The following DAB2 variants were observed in gnomAD, a reference collection of about 807,000 sequenced individuals.
The protein encoded by DAB2 is DAB adaptor protein 2.
In DAB2, 28 loss-of-function variants were observed where a neutral mutation model predicts 71.6. The observed-to-expected ratio is 0.39, with a 90% CI of 0.29 to 0.54. DAB2 has a LOEUF of 0.54. Ranked by LOEUF, DAB2 falls within the 20% of genes least tolerant of loss-of-function variation. The pLI, the probability that DAB2 is intolerant of heterozygous loss-of-function variation, is 0.68. For synonymous variants in DAB2, 345 were observed against 339.7 expected (o/e 1.02, Z -0.17); for missense variants, 867 against 928.8 (o/e 0.93, Z 0.86).
At position 39,376,668 on chromosome 5, in the gene DAB2, G is replaced by T. The variant is rs747054556; in HGVS notation, c.2119C>A (p.Leu707Ile). 1 of 1,614,018 alleles carries T rather than the reference G, an allele frequency of 6.2e-7. No homozygotes were observed. Among genetic ancestry groups the T allele is most frequent in the South Asian group, 1.1e-5 (1 of 91,090 alleles). ...ADHDDFDANQLLNKINEPPKP... is the reference protein window; with the variant it reads ...ADHDDFDANQILNKINEPPKP... Reference sequence around the variant, plus strand: ...GGCTTACCATTGATCTTGTTCAATAGTTGATTAGCATCAAAGTCATCATGG... The same window carrying T: ...GGCTTACCATTGATCTTGTTCAATATTTGATTAGCATCAAAGTCATCATGG... Residue 707 changes from leucine to isoleucine, a missense_variant, in exon 12 of 15, where the codon CTA becomes ATA. By Grantham distance (5) the Leu-to-Ile change is conservative (BLOSUM62 2). Around this residue, in one of 2 missense-constraint regions of DAB2, gnomAD observed 740 missense variants for 734.3 expected, o/e 1.01. Transcript: ENST00000320816.
At chr5:39,378,410 C>G (rs576577605) in intron 11 of DAB2, among the ~76,000 whole-genome samples, 1 of 152,212 alleles carries the variant, frequency 6.6e-6, no homozygotes, top group Non-Finnish European at 1.5e-5. Flanking sequence ...AGCTTTGGTG[C>G]ATGGCATTCT....
At position 39,376,880 on chromosome 5, in the gene DAB2, G is replaced by T. The variant is rs757895677; in HGVS notation, c.1907C>A (p.Ala636Asp). Reference protein sequence around the residue: ...AGPPKDISSDAFTALDPLGDK... With the variant: ...AGPPKDISSDDFTALDPLGDK... ...CCCAAGTGGGTCTAAGGCAGTGAAG[G>T]CATCACTGGAGATGTCCTTGGGAGG... Residue 636 changes from alanine (A) to aspartate (D), a missense_variant, in exon 12 of 15, where the codon GCC becomes GAC. Physicochemically the swap from Ala to Asp is moderately radical, Grantham distance 126. Transcript: ENST00000320816. 3.5e-5 allele frequency: 56 copies of T among 1,614,024 alleles called. No individual in the cohort carries two copies. Among genetic ancestry groups the T allele is most frequent in the Non-Finnish European group, 4.7e-5 (56 of 1,180,026 alleles).
chr5:39,378,172 T>C (rs536181916), intron 11 of DAB2, among the ~76,000 whole-genome samples: 15 of 152,312 alleles, frequency 9.8e-5, no homozygotes, highest in African/African-American at 3.6e-4. Flanking sequence ...CCTTGCTATG[T>C]CATCAGGAAT....
intron 9 of DAB2, 92 bp downstream of exon 9, chr5:39,388,213 G>C: frequency 1.1e-6 from 1 of 914,388 alleles, no homozygotes; most frequent in Non-Finnish European, 1.7e-6. Context: ...CACCTTCCAA[G>C]TTTCAATGAG....
intron 1 of DAB2, among the ~76,000 whole-genome samples, chr5:39,399,528 AT>A (rs1180236265): frequency 6.6e-6 from 1 of 152,248 alleles, no homozygotes; most frequent in African/African-American, 2.4e-5. Flanking sequence ...TGCTATATGA[AT>A]AAAATTAGCT....
intron 1 of DAB2, among the ~76,000 whole-genome samples, chr5:39,395,146 G>C (rs1432838283): frequency 6.6e-6 from 1 of 152,122 alleles, no homozygotes; most frequent in Non-Finnish European, 1.5e-5. Context: ...ATCATAGTAG[G>C]AGAAACAGGA....
At position 39,390,595 on chromosome 5, in the gene DAB2, A is replaced by G; in HGVS notation, c.331-20T>C. ...TATTACCTTAAAAAAGAACATAAAG[A>G]GTAATTTATTAAGAAAACTAGAATC... On this transcript the variant is annotated intron_variant, in intron 4 of 14. Coordinates refer to ENST00000320816, the MANE Select transcript of DAB2 (RefSeq NM_001343.4). 1 of 1,586,664 alleles carries G rather than the reference A, an allele frequency of 6.3e-7. No individual in the cohort carries two copies. Among genetic ancestry groups the G allele is most frequent in the African/African-American group, 1.4e-5 (1 of 73,964 alleles).
Position 39,381,559 on chromosome 5 carries a change from A to C in DAB2, c.1399T>G (p.Ser467Ala), listed in dbSNP as rs1210909122. 11 of 1,613,940 alleles carry C rather than the reference A, an allele frequency of 6.8e-6. No homozygotes were observed. Among genetic ancestry groups the C allele is most frequent in the Non-Finnish European group, 9.3e-6 (11 of 1,179,978 alleles). The change falls in exon 11 of 15, where the codon TCA becomes GCA. Residue 467 changes from serine (S) to alanine (A), a missense_variant. Coordinates refer to ENST00000320816, the MANE Select transcript of DAB2 (RefSeq NM_001343.4). ...DIFAPPVSEP[S>A]GQASPTGQPT... Reference sequence around the variant, plus strand: ...TGTCCTGTGGGTGACGCCTGGCCTGAAGGTTCTGAGACGGGAGGAGCAAAG... The same window carrying C: ...TGTCCTGTGGGTGACGCCTGGCCTGCAGGTTCTGAGACGGGAGGAGCAAAG...
In DAB2 at chr5:39,372,049, T is replaced by C. The variant is rs1367303839; in HGVS notation, c.*1382A>G. 6.6e-6 allele frequency: 1 copy of C among 152,116 alleles called. No homozygotes were observed. The highest frequency in any genetic ancestry group is 1.5e-5 in the Non-Finnish European group (1 of 68,016). The allele number at this position is 152,116 out of a possible 1,614,324, so 9.4% of individuals were successfully genotyped here. A position where few individuals can be genotyped will look rare whatever the true frequency, so the allele number is the denominator to read the frequency against. On this transcript the variant is annotated 3_prime_UTR_variant, in exon 15 of 15. Transcript: ENST00000320816. Reference sequence around the variant, plus strand: ...CCTCTTCTTCCCCCTCAAGGTAACATTGGATGTGGCTGATTAACTCCCACA... The same window carrying C: ...CCTCTTCTTCCCCCTCAAGGTAACACTGGATGTGGCTGATTAACTCCCACA...
rs749915234 is a variant in DAB2, at chr5:39,382,727, C to T, written c.1232G>A (p.Gly411Asp). 4.3e-6 allele frequency: 7 copies of T among 1,614,030 alleles called. No homozygotes were observed. Among genetic ancestry groups the T allele is most frequent in the Non-Finnish European group, 5.9e-6 (7 of 1,180,026 alleles). Residue 411 changes from glycine (G) to aspartate (D), a missense_variant, in exon 10 of 15, where the codon GGC becomes GAC. By Grantham distance (94) the Gly-to-Asp change is moderately conservative. Coordinates refer to ENST00000320816, the MANE Select transcript of DAB2 (RefSeq NM_001343.4). The stretch of plus-strand genomic sequence containing the variant: ...AGAGCTTTCCAAGTCCTGCTTTACG[C>T]CATTCTGTATGGACAGTCCTTTGGG... Reference protein sequence around the residue: ...SPPKGLSIQNGVKQDLESSVQ... With the variant: ...SPPKGLSIQNDVKQDLESSVQ...
chr5:39,381,718 A>G, intron 10 of DAB2, 102 bp from the exon 11 acceptor site: 1 of 1,323,886 alleles, frequency 7.6e-7, no homozygotes, highest in Non-Finnish European at 1.0e-6. Flanking sequence ...AGAGCCACAA[A>G]AAGGAAAACT....
At chr5:39,392,752 TTGA>T (rs1284476529) in intron 3 of DAB2, among the ~76,000 whole-genome samples, 1 of 152,194 alleles carries the variant, frequency 6.6e-6, no homozygotes, top group Non-Finnish European at 1.5e-5. Flanking sequence ...CTTCTAGGCC[TTGA>T]ACTATTGAAC....
chr5:39,401,902 G>A (rs1579918352), intron 1 of DAB2, among the ~76,000 whole-genome samples: 1 of 151,938 alleles, frequency 6.6e-6, no homozygotes, highest in African/African-American at 2.4e-5. Flanking sequence ...ACAGGCGCCT[G>A]CCATCATGCC....
chr5:39,376,537 G>T, intron 12 of DAB2, 113 bp downstream of exon 12: 1 of 1,256,688 alleles, frequency 8.0e-7, no homozygotes, highest in Non-Finnish European at 1.1e-6. Context: ...ACCAACAGAA[G>T]CAAGAGCAAA....
At chr5:39,401,816 G>A (rs1755507996) in intron 1 of DAB2, among the ~76,000 whole-genome samples, 1 of 151,268 alleles carries the variant, frequency 6.6e-6, no homozygotes. Flanking sequence ...GCAGTGGTGC[G>A]ATCTCGGCTC....
chr5:39,399,475 T>G (rs1456293804), intron 1 of DAB2, among the ~76,000 whole-genome samples: 1 of 152,214 alleles, frequency 6.6e-6, no homozygotes, highest in African/African-American at 2.4e-5. Flanking sequence ...TCCTGACTCC[T>G]TTTTAAGGCC....
rs1332057194 is a variant in DAB2 at position 39,376,056 on chromosome 5, T to A, written c.2188A>T (p.Thr730Ser). 6.2e-7 allele frequency: 1 copy of A among 1,614,114 alleles called. No homozygotes were observed. The highest frequency in any genetic ancestry group is 8.5e-7 in the Non-Finnish European group (1 of 1,179,978). Residue 730 changes from threonine (T) to serine (S), a missense_variant, in exon 13 of 15, where the codon ACT becomes TCT. Thr to Ser is a moderately conservative substitution (Grantham distance 58). This residue lies in a region of DAB2 where 740 missense variants were observed against 734.3 expected (regional missense o/e 1.01). Transcript: ENST00000320816. ...RQVSLPVTKS[T>S]DNAFENPFFK... ...AAAGGGTTCTCAAATGCATTGTCAG[T>A]AGATTTGGTAACTGGCAGGGAAACT...
At chr5:39,380,698 C>A (rs1754960154) in intron 11 of DAB2, among the ~76,000 whole-genome samples, 2 of 152,196 alleles carry the variant, frequency 1.3e-5, no homozygotes, top group South Asian at 4.1e-4. Context: ...ACAGAGTGAT[C>A]AGCGGCTCAC....
chr5:39,415,645 C>A (rs141219839), intron 1 of DAB2, among the ~76,000 whole-genome samples: 25 of 152,156 alleles, frequency 1.6e-4, no homozygotes, highest in Non-Finnish European at 2.8e-4. Context: ...AGAGCACTAC[C>A]AAGTCACAAG....
Sources: allele counts gnomAD v4.1 joint callset (sites outside exome capture counted in the v4.1 genomes callset), GRCh38; gene constraint gnomAD v4.1.1; regional missense constraint gnomAD v4.1.1; transcripts MANE v1.5; gene names NCBI Gene and HGNC (gene_info 2026-07-23, HGNC 2026-07-21).